The following CLEC1A variants were observed in gnomAD, a reference collection of about 807,000 sequenced individuals.
CLEC1A encodes the protein C-type lectin-like receptor-1.
A neutral mutation model predicts 28.7 loss-of-function variants in CLEC1A; 34 were observed. That is an observed-to-expected ratio of 1.18 (90% confidence interval 0.90 to 1.57). The LOEUF is 1.57. Ranked by LOEUF, CLEC1A falls within the 40% of genes most tolerant of loss-of-function variation. The pLI is 0.00. For missense variants in CLEC1A, 385 were observed against 339.5 expected (o/e 1.13, Z -1.05); for synonymous variants, 116 against 121.0 (o/e 0.96, Z 0.27).
At chr12:10,075,686 T>C in intron 3 of CLEC1A, 31 bp from the exon 4 acceptor site, 1 of 1,604,946 alleles carries the variant, frequency 6.2e-7, no homozygotes, top group Non-Finnish European at 8.5e-7. Flanking sequence ...ATTGTTATTT[T>C]CTGCATGAGT....
chr12:10,089,405 C>T (rs945256810), intron 1 of CLEC1A, among the ~76,000 whole-genome samples, 183 bp from the exon 2 acceptor site: 32 of 152,140 alleles, frequency 2.1e-4, no homozygotes, highest in Non-Finnish European at 4.4e-4. Context: ...GTGCAAGCCT[C>T]ACTTATCACA....
intron 3 of CLEC1A, among the ~76,000 whole-genome samples, chr12:10,076,981 T>A (rs185624500): frequency 6.6e-6 from 1 of 152,294 alleles, no homozygotes. Flanking sequence ...TCACATACAA[T>A]GTTTTCTTAA....
intron 1 of CLEC1A, 75 bp from the exon 2 acceptor site, chr12:10,089,297 G>A (rs1866566059): frequency 8.2e-7 from 1 of 1,219,962 alleles, no homozygotes; most frequent in East Asian, 2.4e-5. Context: ...AGGTAAGGGA[G>A]TGGAGTTAAT....
chr12:10,086,519 A>G (rs1204934270), intron 2 of CLEC1A, among the ~76,000 whole-genome samples: 6 of 152,192 alleles, frequency 3.9e-5, no homozygotes, highest in African/African-American at 1.4e-4. Flanking sequence ...AGATGTTCCA[A>G]CTGATGCCAC....
In CLEC1A at chr12:10,071,165, A is replaced by T. The variant is rs373697740; in HGVS notation, c.*168T>A. On this transcript the variant is annotated 3_prime_UTR_variant, in exon 6 of 6. Transcript: ENST00000315330. ...TTGTGACTGTTAAATACGTGCATAAACCCAAGCTCAGAAATGCTGGTGATC... is the reference window on the plus strand; with the variant it reads ...TTGTGACTGTTAAATACGTGCATAATCCCAAGCTCAGAAATGCTGGTGATC... 1.4e-3 allele frequency: 807 copies of T among 592,662 alleles called. 6 individuals are homozygous for T. Among genetic ancestry groups the T allele is most frequent in the African/African-American group, 0.014 (720 of 53,280 alleles). The allele number at this position is 592,662 out of a possible 1,614,324, so 36.7% of individuals were successfully genotyped here. A position where few individuals can be genotyped will look rare whatever the true frequency, so the allele number is the denominator to read the frequency against.
chr12:10,074,737 C>T (rs1591903925), intron 4 of CLEC1A, among the ~76,000 whole-genome samples: 1 of 152,172 alleles, frequency 6.6e-6, no homozygotes, highest in African/African-American at 2.4e-5. Flanking sequence ...TCTTTCATCA[C>T]AGATTTCAGG....
chr12:10,076,201 G>C (rs903604768), intron 3 of CLEC1A, among the ~76,000 whole-genome samples: 2 of 152,140 alleles, frequency 1.3e-5, no homozygotes, highest in African/African-American at 4.8e-5. Flanking sequence ...AGAGAAGTAT[G>C]GGTAGTGATC....
chr12:10,081,997 C>T (rs1203750383), intron 2 of CLEC1A, among the ~76,000 whole-genome samples: 1 of 152,130 alleles, frequency 6.6e-6, no homozygotes, highest in Non-Finnish European at 1.5e-5. Flanking sequence ...CCTGTAGGCA[C>T]TCCCATTCTC....
chr12:10,093,223 C>T (rs1947729592), intron 1 of CLEC1A, among the ~76,000 whole-genome samples: 1 of 151,836 alleles, frequency 6.6e-6, no homozygotes, highest in African/African-American at 2.4e-5. Flanking sequence ...AATAAGATGC[C>T]TAGGAGGTCG....
At chr12:10,094,541 T>G (rs1947752212) in intron 1 of CLEC1A, among the ~76,000 whole-genome samples, 1 of 151,782 alleles carries the variant, frequency 6.6e-6, no homozygotes, top group South Asian at 2.2e-4. Context: ...AAGCAACCTT[T>G]ACAAAAATTG....
At chr12:10,077,503 T>C (rs1471289441) in intron 3 of CLEC1A, among the ~76,000 whole-genome samples, 1 of 152,118 alleles carries the variant, frequency 6.6e-6, no homozygotes, top group Non-Finnish European at 1.5e-5. Context: ...AATGAACTGT[T>C]CTCAAATGTT....
In CLEC1A at chr12:10,070,413, T is replaced by C. The variant is rs1422514032; in HGVS notation, c.*920A>G. 1 of 152,230 alleles carries C rather than the reference T, an allele frequency of 6.6e-6. No homozygotes were observed. 9.4% of individuals were successfully genotyped at this position (152,230 alleles called of 1,614,324 possible). On this transcript the variant is annotated 3_prime_UTR_variant, in exon 6 of 6. Transcript: ENST00000315330. ...ACAATCAAAATAATGACCGCTATCA[T>C]ATTTTGAAAAGCATTTCCATGCTGA...
intron 1 of CLEC1A, among the ~76,000 whole-genome samples, chr12:10,092,902 T>C (rs1350339186): frequency 6.6e-6 from 1 of 152,120 alleles, no homozygotes; most frequent in Non-Finnish European, 1.5e-5. Context: ...TCTCTTCCCA[T>C]CTCCCTCTTG....
At chr12:10,093,832 C>T (rs7962341) in intron 1 of CLEC1A, among the ~76,000 whole-genome samples, 114,965 of 152,034 alleles carry the variant, frequency 0.76, 45,229 homozygotes, top group Non-Finnish European at 0.88. Context: ...GAAATGTAAA[C>T]GTCTTTGTTT....
At chr12:10,078,288 A>G (rs1866296347) in intron 3 of CLEC1A, among the ~76,000 whole-genome samples, 1 of 152,228 alleles carries the variant, frequency 6.6e-6, no homozygotes, top group Non-Finnish European at 1.5e-5. Flanking sequence ...CTAATGCTGT[A>G]CATTATCTCT....
chr12:10,072,970 C>G (rs1170789952), intron 5 of CLEC1A, among the ~76,000 whole-genome samples: 1 of 152,124 alleles, frequency 6.6e-6, no homozygotes, highest in African/African-American at 2.4e-5. Flanking sequence ...GTCCGAGCTA[C>G]TCAGAAGGCT....
chr12:10,094,586 C>G (rs1285976212), intron 1 of CLEC1A, among the ~76,000 whole-genome samples: 1 of 151,760 alleles, frequency 6.6e-6, no homozygotes, highest in East Asian at 1.9e-4. Context: ...GCCTAAGTCA[C>G]TAAGTTGCAC....
intron 3 of CLEC1A, among the ~76,000 whole-genome samples, 181 bp downstream of exon 3, chr12:10,081,056 G>T (rs1372520107): frequency 6.6e-6 from 1 of 152,100 alleles, no homozygotes; most frequent in Non-Finnish European, 1.5e-5. Flanking sequence ...CTTGATGCAT[G>T]GTATCACAGA....
In CLEC1A at chr12:10,091,452, A is replaced by T. The variant is rs542158103; in HGVS notation, c.116-2230T>A. Among the ~76,000 whole-genome samples the T allele has an allele frequency of 1.1e-4, 16 of 152,106 alleles. No individual in the cohort carries two copies. In the South Asian group the frequency reaches 3.3e-3, roughly 32 times the overall value. ...AGCAACATCTATGTCAGCAGAAAAC[A>T]GACTCAGCTAAATACATCTCCCAGC... On this transcript the variant is annotated intron_variant, in intron 1 of 5. Transcript: ENST00000315330.
Sources: allele counts gnomAD v4.1 joint callset (sites outside exome capture counted in the v4.1 genomes callset), GRCh38; gene constraint gnomAD v4.1.1; transcripts MANE v1.5; gene names NCBI Gene and HGNC (gene_info 2026-07-23, HGNC 2026-07-21).